FLACC1: variants seen among roughly 807,000 people sequenced by gnomAD.
FLACC1 encodes the protein flagellum associated containing coiled-coil domains 1.
In FLACC1, 66 loss-of-function variants were observed where a neutral mutation model predicts 62.8. The ratio of observed to expected loss-of-function variants is 1.05; its 90% CI spans 0.86 to 1.29. FLACC1 has a LOEUF of 1.29. Ranked by LOEUF, FLACC1 falls within the 50% of genes most tolerant of loss-of-function variation. FLACC1 has a pLI of 0.00. For synonymous variants in FLACC1, 156 were observed against 161.0 expected (o/e 0.97, Z 0.24); for missense variants, 452 against 489.1 (o/e 0.92, Z 0.71).
At position 201,330,480 on chromosome 2, in the gene FLACC1, C is replaced by A; in HGVS notation, c.665G>T (p.Arg222Leu). Residue 222 changes from arginine (R) to leucine (L), a missense_variant, in exon 9 of 15, where the codon CGT (arginine) becomes CTT (leucine). Physicochemically the swap from Arg to Leu is moderately radical, Grantham distance 102 (BLOSUM62 -2). Transcript: ENST00000392257. ...AGCTGTGTATCTCACCTGATACGTACGAAACATATTCTTCAAATACTTGTA... is the reference window on the plus strand; with the variant it reads ...AGCTGTGTATCTCACCTGATACGTAAGAAACATATTCTTCAAATACTTGTA... ...KEYKYLKNMFRTYQDSIYDEM... is the reference protein window; with the variant it reads ...KEYKYLKNMFLTYQDSIYDEM... 3.1e-6 allele frequency: 5 copies of A among 1,613,692 alleles called. No homozygotes were observed. Among genetic ancestry groups the A allele is most frequent in the Non-Finnish European group, 4.2e-6 (5 of 1,179,828 alleles).
At chr2:201,298,229 T>G (rs895527850) in intron 12 of FLACC1, among the ~76,000 whole-genome samples, 5 of 152,076 alleles carry the variant, frequency 3.3e-5, no homozygotes, top group Non-Finnish European at 7.4e-5. Flanking sequence ...GTGGGGAAAA[T>G]TAGTTCCACA....
intron 5 of FLACC1, 74 bp from the exon 6 acceptor site, chr2:201,344,337 G>T: frequency 7.8e-7 from 1 of 1,275,134 alleles, no homozygotes; most frequent in Non-Finnish European, 1.1e-6. Flanking sequence ...GAGCATGACT[G>T]ACTCTGGCAT....
intron 4 of FLACC1, among the ~76,000 whole-genome samples, chr2:201,347,427 C>T (rs1050012126): frequency 1.3e-5 from 2 of 152,190 alleles, no homozygotes; most frequent in Admixed American, 6.5e-5. Context: ...CTTGCTCCCC[C>T]CACAGTTCAT....
chr2:201,363,679 T>A, the FLACC1 span, among the ~76,000 whole-genome samples: 2 of 152,012 alleles, frequency 1.3e-5, no homozygotes, highest in Non-Finnish European at 2.9e-5. Flanking sequence ...TCTAGGCATT[T>A]AGAGCACTCA....
At position 201,346,620 on chromosome 2, in the gene FLACC1, G is replaced by A; in HGVS notation, c.290C>T (p.Ser97Phe). The change falls in exon 5 of 15, where the codon TCT (serine) becomes TTT (phenylalanine). Residue 97 changes from serine to phenylalanine, a missense_variant. Physicochemically the swap from Ser to Phe is radical, Grantham distance 155. This residue lies in a region of FLACC1 where 147 missense variants were observed against 152.7 expected (regional missense o/e 0.96). Transcript: ENST00000392257. This position sits in a 1 kb window ranked among gnomAD's most constrained non-coding sequence, Gnocchi z 4.0. ...AAACATCTCATCCCCTAAGGTGACA[G>A]AAATCTGTTCCCGATTCCGAACAAG... The part of the protein sequence containing the change: ...YQLVRNREQI[S>F]VTLGDEMFDR... 6.2e-7 allele frequency: 1 copy of A among 1,614,236 alleles called. No individual in the cohort carries two copies. Among genetic ancestry groups the A allele is most frequent in the Non-Finnish European group, 8.5e-7 (1 of 1,180,044 alleles).
At chr2:201,338,301 G>T (rs1213591783) in intron 7 of FLACC1, among the ~76,000 whole-genome samples, 1 of 152,126 alleles carries the variant, frequency 6.6e-6, no homozygotes, top group Non-Finnish European at 1.5e-5. Context: ...TTTTTGGATG[G>T]AGTTTTTTTG....
At chr2:201,306,435 A>G (rs1950108825) in intron 11 of FLACC1, among the ~76,000 whole-genome samples, 1 of 152,208 alleles carries the variant, frequency 6.6e-6, no homozygotes, top group African/African-American at 2.4e-5. Context: ...AGGCAACTCA[A>G]TGGGGAAAGG....
Position 201,326,241 on chromosome 2 carries a change from T to C in FLACC1, c.675+4229A>G, listed in dbSNP as rs879636558. Among the ~76,000 whole-genome samples, 7 of 152,156 alleles carry C rather than the reference T, an allele frequency of 4.6e-5. No homozygotes were observed. The highest frequency in any genetic ancestry group is 2.0e-4 in the Admixed American group (3 of 15,268). ...TGGAAAAAAGTTGAAAGCATTCCCC[T>C]TGAGAACCGGAACAAGACAAGATGG... is the stretch of plus-strand genomic sequence containing the variant. On this transcript the variant is annotated intron_variant, in intron 9 of 14. Transcript: ENST00000392257. This position sits in a 1 kb window ranked among gnomAD's most constrained non-coding sequence, Gnocchi z 4.1.
chr2:201,315,160 A>C (rs1331313010), intron 9 of FLACC1, among the ~76,000 whole-genome samples: 7 of 152,188 alleles, frequency 4.6e-5, no homozygotes, highest in Admixed American at 4.6e-4. Flanking sequence ...AACCCAAGGC[A>C]TACAGGAAAC....
chr2:201,314,741 A>G (rs1950278929), intron 9 of FLACC1, among the ~76,000 whole-genome samples: 1 of 152,224 alleles, frequency 6.6e-6, no homozygotes, highest in Non-Finnish European at 1.5e-5. Context: ...TCATCAGGTT[A>G]TCTAAAGTTA....
chr2:201,309,925 A>AAG lies in FLACC1; in HGVS notation c.676-676_676-675insCT, dbSNP rs1553611897. 2.0e-3 allele frequency among the ~76,000 whole-genome samples: 202 copies of AAG among 99,386 alleles called. 3 individuals carry two copies. The highest frequency in any genetic ancestry group is 3.3e-3 in the South Asian group (8 of 2,458). 65.2% of individuals were successfully genotyped at this position (99,386 alleles called of 152,430 possible). A position where few individuals can be genotyped will look rare whatever the true frequency, so the allele number is the denominator to read the frequency against. ...TGTCTCAAAAAAAAAAAAAAAAAAAAAAGAAGAAGAAAGGAAATACCTAGT... is the reference window on the plus strand; with the variant it reads ...TGTCTCAAAAAAAAAAAAAAAAAAAAAGAAGAAGAAGAAAGGAAATACCTAGT... On this transcript the variant is annotated intron_variant, in intron 9 of 14. Transcript: ENST00000392257.
chr2:201,307,726 A>T, intron 10 of FLACC1, 104 bp from the exon 11 acceptor site: 2 of 871,232 alleles, frequency 2.3e-6, no homozygotes, highest in Non-Finnish European at 3.8e-6. Flanking sequence ...AGACTGTGTC[A>T]GACTCAAGGT....
chr2:201,354,113 A>G (rs377318480), intron 1 of FLACC1, among the ~76,000 whole-genome samples: 1 of 152,212 alleles, frequency 6.6e-6, no homozygotes, highest in East Asian at 1.9e-4. Context: ...TGAGAAACCC[A>G]CTGATGGTGT....
chr2:201,350,777 G>A lies in FLACC1; in HGVS notation c.119C>T (p.Thr40Ile), dbSNP rs913672995. 1.2e-6 allele frequency: 2 copies of A among 1,611,770 alleles called. No homozygotes were observed. Among genetic ancestry groups the A allele is most frequent in the South Asian group, 1.1e-5 (1 of 90,936 alleles). Residue 40 changes from threonine to isoleucine, a missense_variant, in exon 3 of 15, where the codon ACT becomes ATT. Thr to Ile is a moderately conservative substitution (Grantham distance 89, BLOSUM62 -1). This residue lies in a region of FLACC1 where 147 missense variants were observed against 152.7 expected (regional missense o/e 0.96). Coordinates refer to ENST00000392257, the MANE Select transcript of FLACC1 (RefSeq NM_001127391.3). The part of the protein sequence containing the change: ...RKNSTGSSKL[T>I]PLVPAPKNHN... The stretch of plus-strand genomic sequence containing the variant: ...ATTTTTTGGAGCTGGTACAAGAGGA[G>A]TTAGCCTGAAAGTGAAAAACAAATA...
At position 201,334,782 on chromosome 2, in the gene FLACC1, T is replaced by TA. The variant is rs35205917; in HGVS notation, c.525-3950dup. The stretch of plus-strand genomic sequence containing the variant: ...TGGGCAACAAGAGTGAAACTCTGCC[T>TA]AAAAAAAAAAAAAAAAGCTAAAAAA... On this transcript the variant is annotated intron_variant, in intron 7 of 14. Coordinates refer to ENST00000392257, the MANE Select transcript of FLACC1 (RefSeq NM_001127391.3). Among the ~76,000 whole-genome samples, 404 of 125,342 alleles carry TA rather than the reference T, an allele frequency of 3.2e-3. 1 individual carries two copies. Among genetic ancestry groups the TA allele is most frequent in the African/African-American group, 8.8e-3 (286 of 32,398 alleles). 82.2% of individuals were successfully genotyped at this position (125,342 alleles called of 152,430 possible).
Position 201,322,439 on chromosome 2 carries a change from T to TA in FLACC1, c.675+8030dup, listed in dbSNP as rs200116671. ...ACAACCAGCATCTAAGAAAGCCACATAAAAAAACTCTCTATAACCAAGGAA... is the reference window on the plus strand; with the variant it reads ...ACAACCAGCATCTAAGAAAGCCACATAAAAAAAACTCTCTATAACCAAGGAA... On this transcript the variant is annotated intron_variant, in intron 9 of 14. Coordinates refer to ENST00000392257, the MANE Select transcript of FLACC1 (RefSeq NM_001127391.3). Among the ~76,000 whole-genome samples the TA allele has an allele frequency of 1.1e-3, 164 of 151,910 alleles. 4 individuals are homozygous for TA. In the East Asian group the frequency reaches 0.025, roughly 23 times the overall value.
intron 7 of FLACC1, among the ~76,000 whole-genome samples, chr2:201,335,600 T>C (rs2125600413): frequency 6.6e-6 from 1 of 152,316 alleles, no homozygotes; most frequent in African/African-American, 2.4e-5. Flanking sequence ...TAGTATCATT[T>C]AAAATCACGT....
chr2:201,295,034 C>T (rs1290493065), intron 12 of FLACC1, among the ~76,000 whole-genome samples: 1 of 152,150 alleles, frequency 6.6e-6, no homozygotes, highest in African/African-American at 2.4e-5. Context: ...AATGGAAGAA[C>T]ATTCCATGCT....
upstream of FLACC1, among the ~76,000 whole-genome samples, chr2:201,361,739 G>A (rs1223926689): frequency 6.6e-6 from 1 of 152,200 alleles, no homozygotes; most frequent in East Asian, 1.9e-4. Context: ...CTATCATAAT[G>A]TTTGAATGTG....
Sources: gnomAD v4.1 joint callset for allele counts (sites outside exome capture counted in the v4.1 genomes callset) on GRCh38, gnomAD v4.1.1 for gene constraint, gnomAD v4.1.1 regional missense constraint, Gnocchi (gnomAD v3.1) non-coding constraint, MANE v1.5 for transcripts, NCBI Gene and HGNC (gene_info 2026-07-23, HGNC 2026-07-21) for gene names.